Variants in CAPRIN1 observed in about 807,000 individuals in gnomAD.
CAPRIN1 encodes the protein caprin-1.
In CAPRIN1, 29 loss-of-function variants were observed where a neutral mutation model predicts 100.9. The observed-to-expected ratio is 0.29, with a 90% CI of 0.21 to 0.39. CAPRIN1 has a LOEUF of 0.39. CAPRIN1 is among the 10% of genes least tolerant of loss of function. The pLI is 1.00. For missense variants in CAPRIN1, 795 were observed against 876.7 expected, an observed-to-expected ratio of 0.91 and a Z score of 1.18; for synonymous variants, 338 against 307.5, an observed-to-expected ratio of 1.10 and a Z score of -1.04.
Position 34,090,418 on chromosome 11 carries a change from T to C in CAPRIN1, c.1405-111T>C. The C allele has an allele frequency of 1.5e-6, 2 of 1,345,236 alleles. 1 individual carries two copies. The highest frequency in any genetic ancestry group is 2.1e-6 in the Non-Finnish European group (2 of 955,844). 83.3% of individuals were successfully genotyped at this position (1,345,236 alleles called of 1,614,324 possible). Reference sequence around the variant, plus strand: ...TTTGCTTTCATGAAATATTTGAGTTTGTTAATACATATAAGTTTGAGATTA... The same window carrying C: ...TTTGCTTTCATGAAATATTTGAGTTCGTTAATACATATAAGTTTGAGATTA... On this transcript the variant is annotated intron_variant, in intron 13 of 18. Coordinates refer to ENST00000341394, the MANE Select transcript of CAPRIN1 (RefSeq NM_005898.5).
intron 4 of CAPRIN1, 82 bp downstream of exon 4, chr11:34,072,069 C>T (rs1215651038): frequency 7.0e-6 from 6 of 859,812 alleles, no homozygotes; most frequent in Non-Finnish European, 9.3e-6. Flanking sequence ...TATTGATAAG[C>T]TCTCTGCAAG....
chr11:34,079,524 TA>T, intron 6 of CAPRIN1, 103 bp from the exon 7 acceptor site: 1 of 870,272 alleles, frequency 1.1e-6, no homozygotes, highest in Non-Finnish European at 1.8e-6. Context: ...TGTGTTTTAG[TA>T]ACAGTTATTT....
At chr11:34,062,359 C>T (rs1040476908) in intron 2 of CAPRIN1, among the ~76,000 whole-genome samples, 9 of 152,112 alleles carry the variant, frequency 5.9e-5, no homozygotes, top group Admixed American at 5.2e-4. Flanking sequence ...GGCGCGGTGG[C>T]TCACGCCTGT....
intron 18 of CAPRIN1, chr11:34,098,380 T>G (rs1230513361): frequency 1.0e-6 from 1 of 985,232 alleles, no homozygotes; most frequent in Non-Finnish European, 1.2e-6. Flanking sequence ...AGAGAGTTTT[T>G]TGTTTTTCTT....
At chr11:34,067,086 C>A (rs1274088608) in intron 2 of CAPRIN1, among the ~76,000 whole-genome samples, 1 of 152,062 alleles carries the variant, frequency 6.6e-6, no homozygotes, top group African/African-American at 2.4e-5. Flanking sequence ...CATGCCACCA[C>A]GCCCAGCTAA....
chr11:34,056,595 C>G (rs1378958165), intron 2 of CAPRIN1: 1 of 147,498 alleles, frequency 6.8e-6, no homozygotes, highest in East Asian at 1.9e-4. Context: ...GAATGATTAA[C>G]TGCCTAGTTT....
chr11:34,052,531 G>A lies in CAPRIN1; in HGVS notation c.111G>A (p.Pro37=), dbSNP rs952860556. 6.2e-7 allele frequency: 1 copy of A among 1,605,940 alleles called. No individual in the cohort carries two copies. The highest frequency in any genetic ancestry group is 1.1e-5 in the South Asian group (1 of 90,622). ...EAAAGAGAAA[P]ASQHPATGTG... ...CCGCGGGAGCCGGGGCCGCCGCGCC[G>A]GCTTCTCAGCACCCCGCAACCGGCA... The change falls in exon 2 of 19, where the codon CCG becomes CCA. Residue 37 remains proline, a synonymous_variant. Coordinates refer to ENST00000341394, the MANE Select transcript of CAPRIN1 (RefSeq NM_005898.5).
chr11:34,093,956 C>T (rs1217576403), intron 15 of CAPRIN1, among the ~76,000 whole-genome samples: 1 of 55,536 alleles, frequency 1.8e-5, no homozygotes, highest in African/African-American at 5.4e-5. Context: ...ACATGGATTG[C>T]TTTTTCTATT....
At chr11:34,097,818 G>T in intron 18 of CAPRIN1, 57 bp downstream of exon 18, 1 of 1,613,442 alleles carries the variant, frequency 6.2e-7, no homozygotes, top group Non-Finnish European at 8.5e-7. Context: ...TCTGGCCTTG[G>T]AAGAGCTGTT....
chr11:34,075,254 A>T (rs79213205), intron 4 of CAPRIN1, among the ~76,000 whole-genome samples: 286 of 152,034 alleles, frequency 1.9e-3, no homozygotes, highest in South Asian at 7.5e-3. Flanking sequence ...CCTTTAGTAT[A>T]GGTTTCATAT....
rs5790975 is a variant in CAPRIN1, at chr11:34,087,329, ATTTTTTTTT to A, written c.1231+930_1231+938del. Among the ~76,000 whole-genome samples the A allele has an allele frequency of 9.3e-5, 9 of 96,574 alleles. 1 individual carries two copies. The highest frequency in any genetic ancestry group is 5.2e-4 in the Admixed American group (4 of 7,640). The allele number at this position is 96,574 out of a possible 152,430, so 63.4% of individuals were successfully genotyped here. On this transcript the variant is annotated intron_variant, in intron 11 of 18. Coordinates refer to ENST00000341394, the MANE Select transcript of CAPRIN1 (RefSeq NM_005898.5). ...AGTAAAGGGAGCTCATATCTCTCAC[ATTTTTTTTT>A]TTTTTTTTTTTTTGAGACGGAGTCT...
At chr11:34,089,279 C>T (rs1450997653) in intron 11 of CAPRIN1, 116 bp from the exon 12 acceptor site, 1 of 13,502 alleles carries the variant, frequency 7.4e-5, no homozygotes. Flanking sequence ...CCCCCCCCCC[C>T]CCGCAAAAAA....
intron 2 of CAPRIN1, among the ~76,000 whole-genome samples, chr11:34,059,466 C>T (rs759082585): frequency 3.3e-5 from 5 of 152,216 alleles, no homozygotes; most frequent in Admixed American, 1.3e-4. Context: ...GACGGGGTTT[C>T]GCCATGTTGG....
In CAPRIN1 at chr11:34,084,047, T is replaced by G. The variant is rs1851086527; in HGVS notation, c.966+1006T>G. On this transcript the variant is annotated intron_variant, in intron 9 of 18. Transcript: ENST00000341394. ...TCGTGCCACTGCATTCCAACCTGGTTGACAGAGACTCTGTCTCAAGAAGAA... is the reference window on the plus strand; with the variant it reads ...TCGTGCCACTGCATTCCAACCTGGTGGACAGAGACTCTGTCTCAAGAAGAA... 1.3e-5 allele frequency among the ~76,000 whole-genome samples: 2 copies of G among 151,988 alleles called. 1 individual carries two copies. The highest frequency in any genetic ancestry group is 1.3e-4 in the Admixed American group (2 of 15,260).
chr11:34,089,962 C>G, intron 12 of CAPRIN1: 2 of 317,194 alleles, frequency 6.3e-6, no homozygotes, highest in Non-Finnish European at 1.2e-5. Flanking sequence ...TATAACGAGA[C>G]TTGGGTTTAT....
intron 7 of CAPRIN1, among the ~76,000 whole-genome samples, chr11:34,081,007 T>C (rs1851018386): frequency 6.6e-6 from 1 of 152,210 alleles, no homozygotes; most frequent in Non-Finnish European, 1.5e-5. Context: ...GGGAGAGGGC[T>C]TTTAATATAG....
intron 2 of CAPRIN1, among the ~76,000 whole-genome samples, chr11:34,059,444 A>AT (rs1850527263): frequency 6.6e-6 from 1 of 151,842 alleles, no homozygotes. Flanking sequence ...AATTTTTTGT[A>AT]TTTTTAGTAG....
chr11:34,052,939 G>A (rs1026937582), intron 2 of CAPRIN1: 1 of 1,231,390 alleles, frequency 8.1e-7, no homozygotes. Context: ...GTGAGGGTGG[G>A]GGCCTGTCGT....
At position 34,102,034 on chromosome 11, in the gene CAPRIN1, T is replaced by G. The variant is rs910962441; in HGVS notation, c.*2667T>G. Among the ~76,000 whole-genome samples the G allele has an allele frequency of 6.6e-6, 1 of 152,192 alleles. No individual in the cohort carries two copies. Among genetic ancestry groups the G allele is most frequent in the Non-Finnish European group, 1.5e-5 (1 of 68,016 alleles). ...AGATCCTAATAATTCCTAAAAAATA[T>G]GGAAAAGTTTTTTTTCAATCATTGT... On this transcript the variant is annotated 3_prime_UTR_variant, in exon 19 of 19. Transcript: ENST00000341394.
Sources: allele counts gnomAD v4.1 joint callset (sites outside exome capture counted in the v4.1 genomes callset), GRCh38; gene constraint gnomAD v4.1.1; transcripts MANE v1.5; gene names NCBI Gene and HGNC (gene_info 2026-07-23, HGNC 2026-07-21).